DPH6: variants seen among roughly 807,000 people sequenced by gnomAD.
DPH6 encodes the protein diphthamine biosynthesis 6.
A neutral mutation model predicts 38.2 loss-of-function variants in DPH6; 33 were observed. The observed-to-expected ratio is 0.86, with a 90% CI of 0.65 to 1.15. The LOEUF (loss-of-function observed/expected upper bound fraction) is 1.15, where lower values mean the gene tolerates loss of function less well. DPH6 is among the 50% of genes most tolerant of loss of function. The probability of loss-of-function intolerance (pLI) is 0.00; values close to 1 mark genes in which losing one functional copy is unlikely to be tolerated. For synonymous variants in DPH6, 108 were observed against 103.0 expected, an observed-to-expected ratio of 1.05 and a Z score of -0.30; for missense variants, 325 against 320.0, an observed-to-expected ratio of 1.02 and a Z score of -0.12.
At chr15:35,354,401 G>A (rs1275956639) in intron 3 of DPH6, among the ~76,000 whole-genome samples, 1 of 152,162 alleles carries the variant, frequency 6.6e-6, no homozygotes, top group Non-Finnish European at 1.5e-5. Context: ...CATTCAGTAT[G>A]ATATTGGCTG....
At chr15:35,540,960 G>C (rs1247566916) in intron 2 of DPH6, among the ~76,000 whole-genome samples, 1 of 152,054 alleles carries the variant, frequency 6.6e-6, no homozygotes, top group African/African-American at 2.4e-5. Context: ...AGGGATAAGG[G>C]AGTTTCTCTC....
intron 6 of DPH6, among the ~76,000 whole-genome samples, chr15:35,391,170 C>T (rs2053051121): frequency 1.3e-5 from 2 of 152,236 alleles, no homozygotes; most frequent in South Asian, 4.1e-4. Context: ...ATTGGAGAGC[C>T]ACAAATGCTG....
chr15:35,460,997 G>A (rs901762343), intron 3 of DPH6, among the ~76,000 whole-genome samples: 4 of 150,782 alleles, frequency 2.7e-5, no homozygotes, highest in Non-Finnish European at 5.9e-5. Context: ...TTCAGAAAGA[G>A]CCAATAAATA....
At chr15:35,172,502 A>G in the DPH6 span, among the ~76,000 whole-genome samples, 12 of 152,206 alleles carry the variant, frequency 7.9e-5, no homozygotes, top group Admixed American at 7.9e-4. Context: ...TCATGTAGCT[A>G]TAAGTGCAAA....
intron 3 of DPH6, among the ~76,000 whole-genome samples, chr15:35,467,876 A>G (rs1386210814): frequency 6.6e-6 from 1 of 152,158 alleles, no homozygotes; most frequent in Non-Finnish European, 1.5e-5. Flanking sequence ...CCACAAACAC[A>G]TGAGTAAAAT....
chr15:35,482,350 A>G (rs1271422299), intron 3 of DPH6, among the ~76,000 whole-genome samples: 1 of 152,198 alleles, frequency 6.6e-6, no homozygotes, highest in African/African-American at 2.4e-5. Context: ...GTCACCAGAA[A>G]GGTCAAGCTA....
chr15:35,292,192 T>G (rs2051984673), intron 3 of DPH6, among the ~76,000 whole-genome samples: 1 of 152,168 alleles, frequency 6.6e-6, no homozygotes, highest in Non-Finnish European at 1.5e-5. Context: ...AAAATTGCCA[T>G]GCTAAAAATG....
intron 5 of DPH6, among the ~76,000 whole-genome samples, chr15:35,428,946 A>G (rs2053600767): frequency 1.3e-5 from 2 of 152,188 alleles, no homozygotes; most frequent in African/African-American, 4.8e-5. Flanking sequence ...AAAAACATAA[A>G]AAAGAAAATT....
intron 3 of DPH6, among the ~76,000 whole-genome samples, chr15:35,286,148 C>T (rs1346757790): frequency 6.6e-6 from 1 of 152,030 alleles, no homozygotes; most frequent in Admixed American, 6.6e-5. Context: ...TGAGTTTCAT[C>T]ACAGACTAGG....
chr15:35,185,595 A>G, the DPH6 span, among the ~76,000 whole-genome samples: 22 of 151,844 alleles, frequency 1.4e-4, no homozygotes, highest in African/African-American at 5.1e-4. Flanking sequence ...ATAGCAGTGG[A>G]CCTTTCAGAT....
chr15:35,177,057 C>CACTAA, the DPH6 span, among the ~76,000 whole-genome samples: 1 of 152,158 alleles, frequency 6.6e-6, no homozygotes. Flanking sequence ...GCTACTATTC[C>CACTAA]ACTAAACTAG....
intron 6 of DPH6, among the ~76,000 whole-genome samples, chr15:35,408,942 T>C (rs12592131): frequency 0.47 from 71,166 of 151,610 alleles, 20,764 homozygotes; most frequent in Non-Finnish European, 0.64. Context: ...AGAACTAGGG[T>C]GGAGAAAGGG....
intron 3 of DPH6, among the ~76,000 whole-genome samples, chr15:35,315,625 T>C (rs1230001761): frequency 6.6e-6 from 1 of 152,132 alleles, no homozygotes; most frequent in South Asian, 2.1e-4. Context: ...TGGAGAACAG[T>C]ATAGAGGTTT....
chr15:35,310,624 A>G (rs1261293922), intron 3 of DPH6, among the ~76,000 whole-genome samples: 1 of 152,184 alleles, frequency 6.6e-6, no homozygotes, highest in Non-Finnish European at 1.5e-5. Context: ...AATATGTCAC[A>G]TATATATAAA....
intron 3 of DPH6, among the ~76,000 whole-genome samples, chr15:35,302,429 T>A (rs1023423879): frequency 1.3e-5 from 2 of 152,242 alleles, no homozygotes; most frequent in African/African-American, 4.8e-5. Flanking sequence ...GGTGTATTAT[T>A]TCATGCATGC....
the DPH6 span, among the ~76,000 whole-genome samples, chr15:35,194,644 C>A: frequency 8.5e-5 from 13 of 152,208 alleles, no homozygotes; most frequent in Non-Finnish European, 1.9e-4. Flanking sequence ...TATGTAACTA[C>A]ATACAGGATT....
chr15:35,464,700 C>T (rs2054107271), intron 3 of DPH6, among the ~76,000 whole-genome samples: 1 of 152,122 alleles, frequency 6.6e-6, no homozygotes, highest in Non-Finnish European at 1.5e-5. Context: ...CAATAAGGAC[C>T]TAATATGTCA....
rs1234610588 is a variant in DPH6, at chr15:35,454,809, T to G, written c.324A>C (p.Glu108Asp). 6.3e-7 allele frequency: 1 copy of G among 1,598,006 alleles called. No individual in the cohort carries two copies. Among genetic ancestry groups the G allele is most frequent in the Non-Finnish European group, 8.5e-7 (1 of 1,174,742 alleles). The change falls in exon 4 of 9, where the codon GAA becomes GAC. Residue 108 changes from glutamate (E) to aspartate (D), a missense_variant. Glu to Asp is a conservative substitution (Grantham distance 45). Coordinates refer to ENST00000256538, the MANE Select transcript of DPH6 (RefSeq NM_080650.4). ...ELLKLVKEKE[E>D]VEGISVGAIL... is the part of the protein sequence containing the mutation. ...TAGCACCTACTGATATCCCCTCTAC[T>G]TCTTCTTTTTCCTGAAAATAAAGAA...
chr15:35,237,802 T>G (rs1443745196), intron 3 of DPH6: 3 of 1,588,778 alleles, frequency 1.9e-6, no homozygotes, highest in Non-Finnish European at 1.7e-6. Context: ...CTAACTTGGA[T>G]GCTGAGGGCT....
Sources: allele counts gnomAD v4.1 joint callset (sites outside exome capture counted in the v4.1 genomes callset), GRCh38; gene constraint gnomAD v4.1.1; transcripts MANE v1.5; gene names NCBI Gene and HGNC (gene_info 2026-07-23, HGNC 2026-07-21).